ERN2: variants seen among roughly 807,000 people sequenced by gnomAD.
ERN2 encodes endoplasmic reticulum to nucleus signaling 2, also known as serine/threonine-protein kinase/endoribonuclease IRE2.
ERN2 carries 111 observed loss-of-function variants against 107.9 expected under a neutral mutation model. The observed-to-expected ratio is 1.03, with a 90% CI of 0.88 to 1.20. The LOEUF is 1.20. ERN2 is among the 50% of genes most tolerant of loss of function. The pLI is 0.00. For synonymous variants in ERN2, 524 were observed against 501.7 expected (o/e 1.04, Z -0.59); for missense variants, 1,225 against 1,197.9 (o/e 1.02, Z -0.33).
At chr16:23,697,793 G>C (rs1445510976) in intron 13 of ERN2, among the ~76,000 whole-genome samples, 1 of 152,128 alleles carries the variant, frequency 6.6e-6, no homozygotes, top group African/African-American at 2.4e-5. Flanking sequence ...GGCTCACTCT[G>C]TCACCCAGGC....
chr16:23,706,268 T>C, intron 7 of ERN2, 62 bp downstream of exon 7: 1 of 1,198,570 alleles, frequency 8.3e-7, no homozygotes, highest in South Asian at 1.6e-5. Context: ...ATGGATGCTG[T>C]TCAGGGTTCC....
chr16:23,708,816 C>G (rs562891854), intron 4 of ERN2, among the ~76,000 whole-genome samples: 14 of 152,158 alleles, frequency 9.2e-5, no homozygotes, highest in Non-Finnish European at 1.6e-4. Context: ...GAGGTCTCTC[C>G]AGAAGCAGAA....
chr16:23,703,434 T>A (rs79321509), intron 8 of ERN2, among the ~76,000 whole-genome samples: 1 of 152,340 alleles, frequency 6.6e-6, no homozygotes, highest in East Asian at 1.9e-4. Context: ...TTCCTTCTAA[T>A]ATATCTTACA....
intron 3 of ERN2, 55 bp downstream of exon 3, chr16:23,710,461 A>C (rs1308357010): frequency 6.4e-7 from 1 of 1,571,304 alleles, no homozygotes; most frequent in East Asian, 2.2e-5. Context: ...CCAGACAACT[A>C]TGAGTCCCCC....
chr16:23,710,271 C>T (rs755239425), intron 3 of ERN2, 27 bp from the exon 4 acceptor site: 1 of 1,591,490 alleles, frequency 6.3e-7, no homozygotes, highest in Non-Finnish European at 8.6e-7. Context: ...AACAAGGAGA[C>T]CAATGGGTTC....
rs1408027912 is a variant in ERN2 at position 23,706,819 on chromosome 16, C to G, written c.422G>C (p.Gly141Ala). Residue 141 changes from glycine (G) to alanine (A), a missense_variant, in exon 6 of 22, where the codon GGG becomes GCG. By Grantham distance (60) the Gly-to-Ala change is moderately conservative. Transcript: ENST00000256797. Reference sequence around the variant, plus strand: ...TGTGGTCAGTGTCATCTGGGTCTCCCCTGACTCAGGGTCCACCACAAACCA... The same window carrying G: ...TGTGGTCAGTGTCATCTGGGTCTCCGCTGACTCAGGGTCCACCACAAACCA... ...DAWFVVDPES[G>A]ETQMTLTTEG... is the part of the protein sequence containing the mutation. The G allele has an allele frequency of 6.2e-7, 1 of 1,613,996 alleles. No homozygotes were observed. Among genetic ancestry groups the G allele is most frequent in the African/African-American group, 1.3e-5 (1 of 75,030 alleles).
At position 23,711,025 on chromosome 16, in the gene ERN2, G is replaced by A. The variant is rs1960520081; in HGVS notation, c.94-7C>T. On this transcript the variant is annotated splice_polypyrimidine_tract_variant and splice_region_variant and intron_variant, in intron 1 of 21. Transcript: ENST00000256797. ...CTGGCCTGAGAGTATGAACCTGCAAGGGGGTAGAGACAAAGTCAGCTCTCT... is the reference window on the plus strand; with the variant it reads ...CTGGCCTGAGAGTATGAACCTGCAAAGGGGTAGAGACAAAGTCAGCTCTCT... The A allele has an allele frequency of 6.2e-7, 1 of 1,604,432 alleles. No individual in the cohort carries two copies. The highest frequency in any genetic ancestry group is 8.5e-7 in the Non-Finnish European group (1 of 1,171,244).
Position 23,704,904 on chromosome 16 carries a change from GAGA to G in ERN2, c.830_832del (p.Phe277del), listed in dbSNP as rs749417570. On this transcript the variant is annotated inframe_deletion, in exon 8 of 22. Transcript: ENST00000256797. Reference sequence around the variant, plus strand: ...CTACAGCAGCTGGGTGTCCAAGGTAGAGAAGAGGGTGGCTGTGTCCCGGGGGCC... The same window carrying G: ...CTACAGCAGCTGGGTGTCCAAGGTAGAGAGGGTGGCTGTGTCCCGGGGGCC... 2 of 1,611,608 alleles carry G rather than the reference GAGA, an allele frequency of 1.2e-6. No homozygotes were observed. The highest frequency in any genetic ancestry group is 1.1e-5 in the South Asian group (1 of 91,068).
rs1222001929 is a variant in ERN2 at position 23,695,923 on chromosome 16, G to A, written c.1581C>T (p.Gly527=). The part of the protein sequence containing the change: ...KISFNPKDVL[G]RGAGGTFVFR... ...AAACGAAAGTCCCGCCTGCCCCGCG[G>A]CCCAGCACGTCCTTGGGATTGAAGG... Residue 527 remains glycine (G), a synonymous_variant, in exon 14 of 22, where the codon GGC becomes GGT. Coordinates refer to ENST00000256797, the MANE Select transcript of ERN2 (RefSeq NM_033266.4). 5.0e-6 allele frequency: 8 copies of A among 1,614,100 alleles called. No individual in the cohort carries two copies. Among genetic ancestry groups the A allele is most frequent in the Non-Finnish European group, 5.9e-6 (7 of 1,179,976 alleles).
rs756192668 is a variant in ERN2, at chr16:23,691,026, C to G, written c.2586G>C (p.Glu862Asp). 1 of 1,614,184 alleles carries G rather than the reference C, an allele frequency of 6.2e-7. No individual in the cohort carries two copies. The highest frequency in any genetic ancestry group is 8.5e-7 in the Non-Finnish European group (1 of 1,180,020). Residue 862 changes from glutamate (E) to aspartate (D), a missense_variant, in exon 22 of 22, where the codon GAG becomes GAC. Coordinates refer to ENST00000256797, the MANE Select transcript of ERN2 (RefSeq NM_033266.4). ...AVRNKKHHYR[E>D]LPVEVRQALG... ...GTGCCTGTCGCACCTCAACTGGGAG[C>G]TCCCTGTAGTGGTGCTTCTGTGGGT...
chr16:23,695,338 G>A lies in ERN2; in HGVS notation c.1662C>T (p.Cys554=), dbSNP rs747483793. The part of the protein sequence containing the change: ...AVAVKRLLRE[C]FGLVRREVQL... ...GAACTTCCCGCCGAACCAGGCCAAAGCACTCGCGGAGGAGCCGCTTGACAG... is the reference window on the plus strand; with the variant it reads ...GAACTTCCCGCCGAACCAGGCCAAAACACTCGCGGAGGAGCCGCTTGACAG... The change falls in exon 15 of 22, where the codon TGC becomes TGT. Residue 554 remains cysteine, a synonymous_variant. Coordinates refer to ENST00000256797, the MANE Select transcript of ERN2 (RefSeq NM_033266.4). The A allele has an allele frequency of 1.9e-6, 3 of 1,611,694 alleles. No homozygotes were observed. The highest frequency in any genetic ancestry group is 1.7e-5 in the Admixed American group (1 of 59,636).
chr16:23,691,964 T>A lies in ERN2; in HGVS notation c.2375A>T (p.Gln792Leu), dbSNP rs1219152702. The A allele has an allele frequency of 3.7e-6, 6 of 1,612,138 alleles. No individual in the cohort carries two copies. The highest frequency in any genetic ancestry group is 5.1e-6 in the Non-Finnish European group (6 of 1,179,358). ...WSRAKQLQFF[Q>L]DVSDWLEKES... Reference sequence around the variant, plus strand: ...CCATTCCCAAGCTTTCCTTCTGACCTGGAAGAACTGGAGTTGCTTGGCTCT... The same window carrying A: ...CCATTCCCAAGCTTTCCTTCTGACCAGGAAGAACTGGAGTTGCTTGGCTCT... The change falls in exon 19 of 22, where the codon CAG becomes CTG. Residue 792 changes from glutamine (Q) to leucine (L), a missense_variant and splice_region_variant. By Grantham distance (113) the Gln-to-Leu change is moderately radical. Transcript: ENST00000256797.
Position 23,692,302 on chromosome 16 carries a change from G to T in ERN2, c.2130C>A (p.Gly710=). The T allele has an allele frequency of 7.4e-6, 12 of 1,613,806 alleles. No individual in the cohort carries two copies. Among genetic ancestry groups the T allele is most frequent in the Non-Finnish European group, 1.0e-5 (12 of 1,180,016 alleles). The change falls in exon 18 of 22, where the codon GGC becomes GGA. Residue 710 remains glycine, a synonymous_variant. Transcript: ENST00000256797. ...PTSAVDIFSA[G]CVFYYVLSGG... The stretch of plus-strand genomic sequence containing the variant: ...CAGAAAGCACGTAGTAGAACACGCA[G>T]CCTGCAGAGAAGATGTCCACAGCGC...
rs1454062590 is a variant in ERN2, at chr16:23,710,260, A to G, written c.234-16T>C. On this transcript the variant is annotated splice_polypyrimidine_tract_variant and intron_variant, in intron 3 of 21. Coordinates refer to ENST00000256797, the MANE Select transcript of ERN2 (RefSeq NM_033266.4). ...AAAGGCCATTCTGTGGAGCAGAGAG[A>G]AACAAGGAGACCAATGGGTTCTTGC... 1 of 1,610,170 alleles carries G rather than the reference A, an allele frequency of 6.2e-7. No individual in the cohort carries two copies. The highest frequency in any genetic ancestry group is 8.5e-7 in the Non-Finnish European group (1 of 1,176,412).
intron 10 of ERN2, 36 bp from the exon 11 acceptor site, chr16:23,702,309 G>A: frequency 6.2e-7 from 1 of 1,612,826 alleles, no homozygotes; most frequent in Non-Finnish European, 8.5e-7. Flanking sequence ...GGCTGAAGGG[G>A]ACCTTAGCTT....
At chr16:23,706,187 A>G in intron 7 of ERN2, 143 bp downstream of exon 7, 1 of 594,178 alleles carries the variant, frequency 1.7e-6, no homozygotes, top group Non-Finnish European at 3.0e-6. Context: ...GTCAGCCATC[A>G]GGGGTGTGCC....
chr16:23,695,463 C>CA, intron 14 of ERN2, 74 bp from the exon 15 acceptor site: 1 of 1,424,264 alleles, frequency 7.0e-7, no homozygotes. Context: ...TGGTGGCTCA[C>CA]ACCTGTAATC....
Position 23,692,198 on chromosome 16 carries a change from T to C in ERN2, c.2234A>G (p.Glu745Gly), listed in dbSNP as rs1013927142. 3.7e-6 allele frequency: 6 copies of C among 1,613,964 alleles called. No individual in the cohort carries two copies. Among genetic ancestry groups the C allele is most frequent in the Non-Finnish European group, 4.2e-6 (5 of 1,180,022 alleles). Reference protein sequence around the residue: ...LTGAPCLAHLEEEVHDKVVAR... With the variant: ...LTGAPCLAHLGEEVHDKVVAR... ...GGCTCCCTCACCGTGGACCTCTTCC[T>C]CCAGGTGAGCCAGACAGGGAGCCCC... is the stretch of plus-strand genomic sequence containing the variant. Residue 745 changes from glutamate to glycine, a missense_variant, in exon 18 of 22, where the codon GAG becomes GGG. Transcript: ENST00000256797.
At chr16:23,691,246 C>T (rs770903321) in intron 20 of ERN2, 50 bp from the exon 21 acceptor site, 1 of 1,612,448 alleles carries the variant, frequency 6.2e-7, no homozygotes, top group Non-Finnish European at 8.5e-7. Context: ...GACTCCCCTC[C>T]ACCGCCCAGG....
Sources: gnomAD v4.1 joint callset for allele counts (sites outside exome capture counted in the v4.1 genomes callset) on GRCh38, gnomAD v4.1.1 for gene constraint, MANE v1.5 for transcripts, NCBI Gene and HGNC (gene_info 2026-07-23, HGNC 2026-07-21) for gene names.